MAD1L1: variants seen among roughly 807,000 people sequenced by gnomAD.
MAD1L1 encodes mitotic arrest deficient 1 like 1.
In MAD1L1, 95 loss-of-function variants were observed where a neutral mutation model predicts 96.9. The observed-to-expected ratio is 0.98, with a 90% CI of 0.83 to 1.16. The LOEUF (loss-of-function observed/expected upper bound fraction) is 1.16, where lower values mean the gene tolerates loss of function less well. Ranked by LOEUF, MAD1L1 falls within the 50% of genes most tolerant of loss-of-function variation. MAD1L1 has a pLI of 0.00. For missense variants in MAD1L1, 1,007 were observed against 954.4 expected (o/e 1.06, Z -0.73); for synonymous variants, 473 against 396.6 (o/e 1.19, Z -2.29).
At chr7:1,827,360 G>A (rs564308193) in intron 18 of MAD1L1, among the ~76,000 whole-genome samples, 1 of 152,334 alleles carries the variant, frequency 6.6e-6, no homozygotes, top group African/African-American at 2.4e-5. Context: ...GGAGGGAGGA[G>A]CTGCAGCACA....
chr7:1,845,038 T>A (rs1783516626), intron 18 of MAD1L1, among the ~76,000 whole-genome samples: 1 of 152,204 alleles, frequency 6.6e-6, no homozygotes, highest in Non-Finnish European at 1.5e-5. Flanking sequence ...ACAGGGTCTG[T>A]GCAGCCAAGG....
intron 16 of MAD1L1, among the ~76,000 whole-genome samples, chr7:1,942,162 C>T (rs1361630316): frequency 6.6e-6 from 1 of 152,210 alleles, no homozygotes; most frequent in Admixed American, 6.5e-5. Flanking sequence ...GCCCTCAGCA[C>T]AGCTGTGAAT....
chr7:2,124,999 G>A (rs1165621032), intron 11 of MAD1L1, among the ~76,000 whole-genome samples: 2 of 152,196 alleles, frequency 1.3e-5, no homozygotes, highest in African/African-American at 4.8e-5. Flanking sequence ...GCACAGGGAT[G>A]CAGGTGGTTC....
intron 16 of MAD1L1, among the ~76,000 whole-genome samples, chr7:1,940,932 C>CTTCCT (rs1562545270): frequency 6.7e-6 from 1 of 149,742 alleles, no homozygotes; most frequent in African/African-American, 2.5e-5. Context: ...AGACCCTCCT[C>CTTCCT]CCCCAGGCCT....
chr7:1,886,056 A>G (rs917851165), intron 18 of MAD1L1, among the ~76,000 whole-genome samples: 2 of 152,182 alleles, frequency 1.3e-5, no homozygotes, highest in African/African-American at 4.8e-5. Context: ...TCGTCCGCGT[A>G]TCAGGGCAGC....
chr7:2,076,166 A>G (rs1013988485), intron 11 of MAD1L1, among the ~76,000 whole-genome samples: 1 of 152,212 alleles, frequency 6.6e-6, no homozygotes, highest in Non-Finnish European at 1.5e-5. Context: ...AGACGCCTCC[A>G]CAGCCACGCC....
chr7:2,013,939 A>C (rs535952286), intron 13 of MAD1L1, among the ~76,000 whole-genome samples: 1 of 152,354 alleles, frequency 6.6e-6, no homozygotes, highest in South Asian at 2.1e-4. Flanking sequence ...GGGAAAAGGC[A>C]GAAGCCAAGG....
At chr7:2,099,996 T>C (rs1786694247) in intron 11 of MAD1L1, among the ~76,000 whole-genome samples, 1 of 152,240 alleles carries the variant, frequency 6.6e-6, no homozygotes, top group African/African-American at 2.4e-5. Flanking sequence ...TGTGAGCTCC[T>C]TACAGGTAGA....
chr7:2,177,267 G>C (rs1025193893), intron 10 of MAD1L1, among the ~76,000 whole-genome samples: 6 of 152,272 alleles, frequency 3.9e-5, no homozygotes, highest in Admixed American at 3.3e-4. Flanking sequence ...ATTTGAATCT[G>C]GCACTTTCTA....
chr7:2,086,084 A>C (rs1312154101), intron 11 of MAD1L1, among the ~76,000 whole-genome samples: 3 of 152,006 alleles, frequency 2.0e-5, no homozygotes, highest in Admixed American at 2.0e-4. Flanking sequence ...GCGGGGGAGG[A>C]CGGCAAGACC....
intron 10 of MAD1L1, among the ~76,000 whole-genome samples, chr7:2,210,514 GGGACCGCCAGCCCGCA>G (rs1562375395): frequency 2.4e-4 from 22 of 93,122 alleles, no homozygotes; most frequent in Admixed American, 3.2e-4. Flanking sequence ...AGCCGTATTC[GGGACCGCCAGCCCGCA>G]TTCCCGTGGA....
At chr7:1,882,171 G>T (rs572898502) in intron 18 of MAD1L1, among the ~76,000 whole-genome samples, 1 of 152,220 alleles carries the variant, frequency 6.6e-6, no homozygotes, top group East Asian at 1.9e-4. Context: ...TCACCTTACT[G>T]CAAGTACCCC....
intron 3 of MAD1L1, among the ~76,000 whole-genome samples, chr7:2,226,665 G>C (rs10259379): frequency 3.3e-5 from 5 of 152,146 alleles, no homozygotes; most frequent in Non-Finnish European, 1.5e-5. Context: ...ATGCAGAGTC[G>C]CAGACTACAC....
At chr7:1,910,913 T>A (rs536844435) in intron 17 of MAD1L1, among the ~76,000 whole-genome samples, 1 of 152,330 alleles carries the variant, frequency 6.6e-6, no homozygotes, top group East Asian at 1.9e-4. Context: ...AGCATGGCGA[T>A]GTGGGGCCAC....
intron 10 of MAD1L1, among the ~76,000 whole-genome samples, chr7:2,204,620 T>C (rs550091931): frequency 1.2e-4 from 18 of 152,370 alleles, no homozygotes; most frequent in African/African-American, 4.3e-4. Flanking sequence ...CCCTTTCATG[T>C]TTCCAAGCAC....
chr7:2,208,261 T>A (rs907895822), intron 10 of MAD1L1, among the ~76,000 whole-genome samples: 5 of 152,182 alleles, frequency 3.3e-5, no homozygotes, highest in Admixed American at 6.5e-5. Flanking sequence ...TACATTGTCC[T>A]TGTATCCCGT....
intron 12 of MAD1L1, among the ~76,000 whole-genome samples, chr7:2,017,886 G>A (rs2128499731): frequency 6.6e-6 from 1 of 152,224 alleles, no homozygotes; most frequent in East Asian, 1.9e-4. Context: ...CAGTGCCCTT[G>A]GAAGAAGAAA....
At chr7:2,116,581 GC>G (rs1470627565) in intron 11 of MAD1L1, among the ~76,000 whole-genome samples, 1 of 140,690 alleles carries the variant, frequency 7.1e-6, no homozygotes, top group East Asian at 2.2e-4. Flanking sequence ...GGGGGGGGGG[GC>G]TCCTGTGTGT....
At chr7:2,178,888 CAAAAAAA>C (rs1192952349) in intron 10 of MAD1L1, among the ~76,000 whole-genome samples, 2 of 88,114 alleles carry the variant, frequency 2.3e-5, no homozygotes. Flanking sequence ...CACAGAGTCT[CAAAAAAA>C]AAAAAAAGAA....
Sources: allele counts gnomAD v4.1 joint callset (sites outside exome capture counted in the v4.1 genomes callset), GRCh38; gene constraint gnomAD v4.1.1; transcripts MANE v1.5; gene names NCBI Gene and HGNC (gene_info 2026-07-23, HGNC 2026-07-21).